The following DIP2B variants were observed in gnomAD, a reference collection of about 807,000 sequenced individuals.
DIP2B encodes disco-interacting protein 2 homolog B.
In DIP2B, 76 loss-of-function variants were observed where a neutral mutation model predicts 198.0. The ratio of observed to expected loss-of-function variants is 0.38; its 90% CI spans 0.32 to 0.46. The LOEUF is 0.46. Among genes scored for constraint, DIP2B ranks in the 20% least tolerant of loss-of-function variants. The pLI, the probability that DIP2B is intolerant of heterozygous loss-of-function variation, is 0.99. For synonymous variants in DIP2B, 701 were observed against 739.1 expected, an observed-to-expected ratio of 0.95 and a Z score of 0.84; for missense variants, 1,559 against 1,978.4, an observed-to-expected ratio of 0.79 and a Z score of 4.02.
chr12:50,693,054 T>G (rs1939248335), intron 14 of DIP2B, 41 bp downstream of exon 14: 1 of 1,572,876 alleles, frequency 6.4e-7, no homozygotes, highest in African/African-American at 1.4e-5. Context: ...TAAATTGTGC[T>G]TGAGATAAGG....
chr12:50,534,697 A>G (rs1304229364), intron 1 of DIP2B, among the ~76,000 whole-genome samples: 1 of 152,184 alleles, frequency 6.6e-6, no homozygotes, highest in East Asian at 1.9e-4. Context: ...ACTGGACAGC[A>G]TTCTGAGATT....
chr12:50,575,413 C>T (rs1411706534), intron 1 of DIP2B, among the ~76,000 whole-genome samples: 5 of 151,172 alleles, frequency 3.3e-5, no homozygotes, highest in Admixed American at 1.3e-4. Flanking sequence ...GACAGGGTCT[C>T]GCTCTGTCAC....
rs1450189643 is a variant in DIP2B, at chr12:50,588,519, G to A, written c.101-37457G>A. On this transcript the variant is annotated intron_variant, in intron 1 of 37. Transcript: ENST00000301180. ...TCCCCTGTACATTTAAAAAATTGAT[G>A]TGTAGTAGTTATTTCCTTAATAGTC... is the stretch of plus-strand genomic sequence containing the variant. Among the ~76,000 whole-genome samples the A allele has an allele frequency of 2.0e-5, 3 of 152,278 alleles. No homozygotes were observed. In the East Asian group the frequency reaches 5.8e-4, roughly 29 times the overall value.
intron 1 of DIP2B, among the ~76,000 whole-genome samples, chr12:50,511,493 A>G (rs1424992488): frequency 4.7e-5 from 7 of 150,410 alleles, no homozygotes; most frequent in South Asian, 2.1e-4. Context: ...GGGTTTCACT[A>G]TGTTGGCCAG....
intron 1 of DIP2B, among the ~76,000 whole-genome samples, chr12:50,530,025 T>C (rs182189904): frequency 1.7e-4 from 26 of 152,338 alleles, no homozygotes; most frequent in Non-Finnish European, 1.2e-4. Flanking sequence ...TGCATTGTTC[T>C]CTAGTGGCTG....
Position 50,714,397 on chromosome 12 carries a change from G to T in DIP2B, c.2652G>T (p.Ala884=), listed in dbSNP as rs757898301. The T allele has an allele frequency of 1.9e-6, 3 of 1,614,052 alleles. No individual in the cohort carries two copies. The highest frequency in any genetic ancestry group is 1.3e-5 in the African/African-American group (1 of 74,936). The change falls in exon 23 of 38, where the codon GCG becomes GCT. Residue 884 remains alanine (A), a splice_region_variant and synonymous_variant. Coordinates refer to ENST00000301180, the MANE Select transcript of DIP2B (RefSeq NM_173602.3). The stretch of plus-strand genomic sequence containing the variant: ...TATTTTTGTTTGTATTTTTCTAGGC[G>T]ATCGATAGCATTCATCAAGTGGGGG... ...SFQWMSRVLQ[A]IDSIHQVGVY...
At chr12:50,521,382 GGCATGA>G (rs1565811450) in intron 1 of DIP2B, among the ~76,000 whole-genome samples, 1 of 151,702 alleles carries the variant, frequency 6.6e-6, no homozygotes, top group Non-Finnish European at 1.5e-5. Flanking sequence ...TGGGATTATA[GGCATGA>G]GCCACTGTGC....
chr12:50,743,543 T>C (rs1408448978), intron 37 of DIP2B: 1 of 152,218 alleles, frequency 6.6e-6, no homozygotes, highest in African/African-American at 2.4e-5. Flanking sequence ...ACACTCTTCC[T>C]GTTGGGTTTA....
chr12:50,730,989 A>G (rs1209048963), intron 30 of DIP2B, among the ~76,000 whole-genome samples: 1 of 152,232 alleles, frequency 6.6e-6, no homozygotes, highest in Non-Finnish European at 1.5e-5. Flanking sequence ...TTTAAAAGAA[A>G]CCATAGGAAT....
chr12:50,706,515 G>A (rs1422692856), intron 20 of DIP2B, 23 bp from the exon 21 acceptor site: 8 of 1,611,442 alleles, frequency 5.0e-6, no homozygotes, highest in Non-Finnish European at 6.8e-6. Context: ...TGGAAATCAA[G>A]GTAAATCATC....
intron 33 of DIP2B, among the ~76,000 whole-genome samples, chr12:50,734,802 A>G (rs1940107044): frequency 6.6e-6 from 1 of 152,172 alleles, no homozygotes; most frequent in African/African-American, 2.4e-5. Context: ...AATGTCTGGA[A>G]ACATTTTGGG....
intron 1 of DIP2B, among the ~76,000 whole-genome samples, chr12:50,599,704 T>C (rs1958919328): frequency 6.6e-6 from 1 of 152,200 alleles, no homozygotes. Context: ...TATTTCTTCA[T>C]TTTAACCAGC....
intron 1 of DIP2B, among the ~76,000 whole-genome samples, chr12:50,530,416 T>C (rs1227430829): frequency 6.6e-6 from 1 of 152,188 alleles, no homozygotes; most frequent in Non-Finnish European, 1.5e-5. Flanking sequence ...GAGCATCATA[T>C]AGCATCTTTG....
intron 1 of DIP2B, among the ~76,000 whole-genome samples, chr12:50,516,213 A>ATCTCTCTCTCTCTCTCTCTCTC (rs68059796): frequency 7.8e-6 from 1 of 128,510 alleles, no homozygotes; most frequent in Non-Finnish European, 1.7e-5. Flanking sequence ...TAGAGGCACC[A>ATCTCTCTCTCTCTCTCTCTCTC]TCTCTCTCTC....
At chr12:50,653,365 T>C (rs931505110) in intron 3 of DIP2B, among the ~76,000 whole-genome samples, 2 of 116,972 alleles carry the variant, frequency 1.7e-5, no homozygotes, top group African/African-American at 7.1e-5. Flanking sequence ...TTTTTTTTTT[T>C]AAGAACTCTC....
intron 4 of DIP2B, among the ~76,000 whole-genome samples, chr12:50,660,907 C>T (rs1030867615): frequency 2.0e-5 from 3 of 152,034 alleles, no homozygotes; most frequent in Non-Finnish European, 2.9e-5. Context: ...CTTTTTATAA[C>T]GGGGTCATGA....
At chr12:50,508,008 A>G (rs938232716) in intron 1 of DIP2B, among the ~76,000 whole-genome samples, 1 of 151,242 alleles carries the variant, frequency 6.6e-6, no homozygotes, top group Non-Finnish European at 1.5e-5. Context: ...GCTTGCCTGT[A>G]TTTTCAGCTG....
intron 1 of DIP2B, among the ~76,000 whole-genome samples, chr12:50,593,691 T>C (rs1958839269): frequency 2.2e-5 from 2 of 88,928 alleles, no homozygotes; most frequent in Non-Finnish European, 4.4e-5. Flanking sequence ...ATACACTCTT[T>C]TCTCCTCTCC....
At chr12:50,591,204 GT>G (rs1334004304) in intron 1 of DIP2B, among the ~76,000 whole-genome samples, 3 of 152,324 alleles carry the variant, frequency 2.0e-5, no homozygotes, top group South Asian at 2.1e-4. Context: ...GGCTAAGACA[GT>G]TTTTTCAAAG....
Sources: gnomAD v4.1 joint callset for allele counts (sites outside exome capture counted in the v4.1 genomes callset) on GRCh38, gnomAD v4.1.1 for gene constraint, MANE v1.5 for transcripts, NCBI Gene and HGNC (gene_info 2026-07-23, HGNC 2026-07-21) for gene names.